The following PDGFC variants were observed in gnomAD, a reference collection of about 807,000 sequenced individuals.
PDGFC encodes the protein platelet derived growth factor C.
PDGFC carries 12 observed loss-of-function variants against 35.5 expected under a neutral mutation model. That is an observed-to-expected ratio of 0.34 (90% CI 0.22 to 0.55). The LOEUF (loss-of-function observed/expected upper bound fraction) is 0.55, where lower values mean the gene tolerates loss of function less well. Among genes scored for constraint, PDGFC ranks in the 20% least tolerant of loss-of-function variants. The pLI is 0.91. For missense variants in PDGFC, 322 were observed against 412.4 expected (o/e 0.78, Z 1.90); for synonymous variants, 159 against 148.8 (o/e 1.07, Z -0.50).
At chr4:156,963,141 G>A (rs927898381) in intron 1 of PDGFC, among the ~76,000 whole-genome samples, 5 of 152,034 alleles carry the variant, frequency 3.3e-5, no homozygotes, top group Non-Finnish European at 5.9e-5. Context: ...ACATACCTCA[G>A]TGGACTAAGA....
At chr4:156,907,887 G>C (rs1046297291) in intron 1 of PDGFC, among the ~76,000 whole-genome samples, 1 of 152,102 alleles carries the variant, frequency 6.6e-6, no homozygotes, top group Non-Finnish European at 1.5e-5. Flanking sequence ...GCAGCAGCTT[G>C]GCTGGGTACA....
chr4:156,947,842 G>A (rs1731983593), intron 1 of PDGFC, among the ~76,000 whole-genome samples: 1 of 151,902 alleles, frequency 6.6e-6, no homozygotes, highest in African/African-American at 2.4e-5. Flanking sequence ...TGCAGCCTTA[G>A]GGTAAAAGCA....
rs376221245 is a variant in PDGFC, at chr4:156,881,773, T to G, written c.119-31357A>C. Among the ~76,000 whole-genome samples the G allele has an allele frequency of 8.3e-5, 12 of 144,632 alleles. No homozygotes were observed. In the East Asian group the frequency reaches 2.0e-3, roughly 24 times the overall value. 94.9% of individuals were successfully genotyped at this position (144,632 alleles called of 152,430 possible). A position where few individuals can be genotyped will look rare whatever the true frequency, so the allele number is the denominator to read the frequency against. On this transcript the variant is annotated intron_variant, in intron 1 of 5. Coordinates refer to ENST00000502773, the MANE Select transcript of PDGFC (RefSeq NM_016205.3). ...TGAACCCAGGAGGCAGAGGTTACAGTGAGCCAAGATCGCACCACTGCACTC... is the reference window on the plus strand; with the variant it reads ...TGAACCCAGGAGGCAGAGGTTACAGGGAGCCAAGATCGCACCACTGCACTC...
At chr4:156,855,496 C>T (rs1487600790) in intron 1 of PDGFC, among the ~76,000 whole-genome samples, 1 of 152,108 alleles carries the variant, frequency 6.6e-6, no homozygotes, top group African/African-American at 2.4e-5. Flanking sequence ...CATGTAGGCA[C>T]GACTGTAGCA....
Position 156,913,142 on chromosome 4 carries a change from C to T in PDGFC, c.118+57644G>A, listed in dbSNP as rs552112698. 1.8e-4 allele frequency among the ~76,000 whole-genome samples: 27 copies of T among 152,206 alleles called. 1 individual carries two copies. The highest frequency in any genetic ancestry group is 2.9e-4 in the Non-Finnish European group (20 of 68,000). Reference sequence around the variant, plus strand: ...CATCCTGAAAGATATACATACCCTTCGCATCAACTATCACTAATACATAAA... The same window carrying T: ...CATCCTGAAAGATATACATACCCTTTGCATCAACTATCACTAATACATAAA... On this transcript the variant is annotated intron_variant, in intron 1 of 5. Coordinates refer to ENST00000502773, the MANE Select transcript of PDGFC (RefSeq NM_016205.3).
chr4:156,802,724 TGTTTTGAAGAAACTGACTAAGCCA>T (rs1219144519), intron 3 of PDGFC, among the ~76,000 whole-genome samples: 1 of 152,106 alleles, frequency 6.6e-6, no homozygotes, highest in African/African-American at 2.4e-5. Flanking sequence ...GGAATCAGAG[TGTTTTGAAGAAACTGACTAAGCCA>T]GCACGCAGTA....
chr4:156,915,887 C>CGTTG (rs1731146641), intron 1 of PDGFC, among the ~76,000 whole-genome samples: 1 of 152,066 alleles, frequency 6.6e-6, no homozygotes, highest in Non-Finnish European at 1.5e-5. Context: ...ATAGAAGCAA[C>CGTTG]GGCTTTTCCT....
intron 1 of PDGFC, among the ~76,000 whole-genome samples, chr4:156,873,541 C>T (rs1013401221): frequency 6.6e-6 from 1 of 152,172 alleles, no homozygotes; most frequent in African/African-American, 2.4e-5. Flanking sequence ...TTTCCACAGA[C>T]ATTTCCTATA....
At chr4:156,801,302 G>A (rs2110914703) in intron 3 of PDGFC, among the ~76,000 whole-genome samples, 1 of 152,154 alleles carries the variant, frequency 6.6e-6, no homozygotes, top group African/African-American at 2.4e-5. Flanking sequence ...TGAATTTTGG[G>A]GAGGCTGATT....
chr4:156,921,958 T>C (rs1048888506), intron 1 of PDGFC, among the ~76,000 whole-genome samples: 5 of 152,100 alleles, frequency 3.3e-5, no homozygotes, highest in Non-Finnish European at 5.9e-5. Flanking sequence ...ATCGATGCAA[T>C]AAACTGCTTA....
At chr4:156,904,023 C>T (rs114981204) in intron 1 of PDGFC, among the ~76,000 whole-genome samples, 1 of 152,004 alleles carries the variant, frequency 6.6e-6, no homozygotes, top group Non-Finnish European at 1.5e-5. Context: ...AATTTAAAAC[C>T]ACCACAAAAA....
In PDGFC at chr4:156,836,831, G is replaced by A. The variant is rs570239132; in HGVS notation, c.314+13390C>T. On this transcript the variant is annotated intron_variant, in intron 2 of 5. Coordinates refer to ENST00000502773, the MANE Select transcript of PDGFC (RefSeq NM_016205.3). ...TGTAAAAGATTTTTTTTTAGTCATT[G>A]TGACAAAATCCTTAGAGGGGAAATA... is the stretch of plus-strand genomic sequence containing the variant. 5.3e-5 allele frequency among the ~76,000 whole-genome samples: 8 copies of A among 152,128 alleles called. No individual in the cohort carries two copies. In the South Asian group the frequency reaches 1.7e-3, roughly 32 times the overall value.
chr4:156,794,523 AAGGG>A (rs1456712428), intron 3 of PDGFC, among the ~76,000 whole-genome samples: 1 of 151,962 alleles, frequency 6.6e-6, no homozygotes, highest in South Asian at 2.1e-4. Context: ...AAGAAAAAAG[AAGGG>A]AGGGAGGAAG....
intron 5 of PDGFC, among the ~76,000 whole-genome samples, chr4:156,764,138 A>G (rs574884163): frequency 6.6e-6 from 1 of 152,334 alleles, no homozygotes; most frequent in Non-Finnish European, 1.5e-5. Flanking sequence ...TAGCATCTCT[A>G]CTTTTTGGAT....
chr4:156,822,004 T>C (rs1421107329), intron 2 of PDGFC, among the ~76,000 whole-genome samples: 1 of 152,148 alleles, frequency 6.6e-6, no homozygotes, highest in Non-Finnish European at 1.5e-5. Flanking sequence ...TTAGGACCAA[T>C]ATACAAATAT....
rs372214790 is a variant in PDGFC at position 156,897,533 on chromosome 4, T to C, written c.119-47117A>G. Among the ~76,000 whole-genome samples the C allele has an allele frequency of 3.9e-5, 6 of 152,290 alleles. No homozygotes were observed. The South Asian group carries it at 1.2e-3, about 32-fold the overall frequency. On this transcript the variant is annotated intron_variant, in intron 1 of 5. Transcript: ENST00000502773. ...ACTGACTGGGTGAGCCCACCTTTCC[T>C]ATCAGGACAGAGGCTGATGCAAAAT...
At chr4:156,805,725 T>G (rs550977690) in intron 3 of PDGFC, among the ~76,000 whole-genome samples, 4 of 152,022 alleles carry the variant, frequency 2.6e-5, no homozygotes, top group Non-Finnish European at 5.9e-5. Flanking sequence ...ATATTAACAG[T>G]GAAATAACCT....
At chr4:156,878,698 A>G (rs1043091199) in intron 1 of PDGFC, among the ~76,000 whole-genome samples, 1 of 151,818 alleles carries the variant, frequency 6.6e-6, no homozygotes, top group South Asian at 2.1e-4. Context: ...ACACTCAAAA[A>G]GTTTCAGATT....
intron 5 of PDGFC, among the ~76,000 whole-genome samples, chr4:156,764,644 T>C (rs1318258570): frequency 6.6e-6 from 1 of 152,242 alleles, no homozygotes; most frequent in Non-Finnish European, 1.5e-5. Context: ...AGTAGTTTTC[T>C]CATCTATTTC....
Sources: allele counts gnomAD v4.1 joint callset (sites outside exome capture counted in the v4.1 genomes callset), GRCh38; gene constraint gnomAD v4.1.1; transcripts MANE v1.5; gene names NCBI Gene and HGNC (gene_info 2026-07-23, HGNC 2026-07-21).